CCNH: variants seen among roughly 807,000 people sequenced by gnomAD.
CCNH encodes cyclin H.
In CCNH, 31 loss-of-function variants were observed where a neutral mutation model predicts 41.9. The observed-to-expected ratio is 0.74, with a 90% CI of 0.56 to 1.00. The LOEUF is 1.00. CCNH is among the 50% of genes least tolerant of loss of function. The pLI is 0.00. For missense variants in CCNH, 362 were observed against 388.4 expected (o/e 0.93, Z 0.57); for synonymous variants, 138 against 136.1 (o/e 1.01, Z -0.10).
chr5:87,403,344 G>T (rs1763555131), intron 5 of CCNH, among the ~76,000 whole-genome samples: 1 of 151,988 alleles, frequency 6.6e-6, no homozygotes, highest in African/African-American at 2.4e-5. Context: ...GAATTATAAT[G>T]AACTAAACTT....
At position 87,367,817 on chromosome 5, in the gene CCNH, C is replaced by T. The variant is rs149559997; in HGVS notation, c.*90+24953G>A. Among the ~76,000 whole-genome samples the T allele has an allele frequency of 6.0e-4, 91 of 152,194 alleles. No individual in the cohort carries two copies. The East Asian group carries it at 0.011, about 19-fold the overall frequency. On this transcript the variant is annotated intron_variant and NMD_transcript_variant, in intron 9 of 9. Transcript: ENST00000645953. ...ATTTTAAAGATGGTTTTCTGCCTTCCAACATTTTCGTTGTCATTCAAATTG... is the reference window on the plus strand; with the variant it reads ...ATTTTAAAGATGGTTTTCTGCCTTCTAACATTTTCGTTGTCATTCAAATTG...
chr5:87,374,216 T>C (rs1761154424), downstream of CCNH: 1 of 1,589,768 alleles, frequency 6.3e-7, no homozygotes, highest in African/African-American at 1.3e-5. Context: ...CAGTAAAACA[T>C]TTTACTAATC....
At chr5:87,369,841 C>G in intron 9 of CCNH, 1 of 1,611,874 alleles carries the variant, frequency 6.2e-7, no homozygotes, top group Non-Finnish European at 8.5e-7. Context: ...AGTAGTTCAG[C>G]ACTTTAGTGA....
chr5:87,390,385 C>T (rs1440013910), downstream of CCNH, among the ~76,000 whole-genome samples: 1 of 152,128 alleles, frequency 6.6e-6, no homozygotes, highest in Non-Finnish European at 1.5e-5. Flanking sequence ...GAGTTCTCTA[C>T]AACCTGAGAT....
At chr5:87,366,532 G>GA (rs3842492) in intron 9 of CCNH, 11,970 of 201,608 alleles carry the variant, frequency 0.059, 917 homozygotes, top group African/African-American at 0.2. Context: ...CTGGTAGGGG[G>GA]AAAGCAATAA....
At chr5:87,412,139 G>T (rs567081479) in intron 1 of CCNH, among the ~76,000 whole-genome samples, 2 of 152,186 alleles carry the variant, frequency 1.3e-5, no homozygotes, top group African/African-American at 4.8e-5. Flanking sequence ...TATTTCAAAG[G>T]TTCCTCATCC....
intron 9 of CCNH, among the ~76,000 whole-genome samples, chr5:87,360,421 C>G (rs187129200): frequency 7.2e-5 from 11 of 152,274 alleles, no homozygotes; most frequent in African/African-American, 2.4e-4. Flanking sequence ...AAATGCAGTA[C>G]TTTTGAAAAC....
At chr5:87,378,542 A>C (rs1245076042), upstream of CCNH, 1 of 1,602,462 alleles carries the variant, frequency 6.2e-7, no homozygotes, top group African/African-American at 1.3e-5. Context: ...TTGTGAGGTA[A>C]GAATTTAATG....
chr5:87,409,640 G>T (rs1282023732), intron 2 of CCNH, among the ~76,000 whole-genome samples: 1 of 145,102 alleles, frequency 6.9e-6, no homozygotes, highest in Non-Finnish European at 1.5e-5. Context: ...GTGTGTGTGT[G>T]TGTGTGTGTG....
At chr5:87,399,189 T>A (rs1352487325) in intron 7 of CCNH, among the ~76,000 whole-genome samples, 2 of 152,084 alleles carry the variant, frequency 1.3e-5, no homozygotes, top group African/African-American at 4.8e-5. Context: ...CCAAAGAACA[T>A]ATGAGTCACA....
At chr5:87,363,189 A>AT (rs1760245694) in intron 9 of CCNH, among the ~76,000 whole-genome samples, 1 of 152,058 alleles carries the variant, frequency 6.6e-6, no homozygotes, top group African/African-American at 2.4e-5. Flanking sequence ...TTTTGTACAG[A>AT]TTTGTTATAG....
upstream of CCNH, chr5:87,378,269 C>G (rs918529474): frequency 6.6e-6 from 7 of 1,057,108 alleles, no homozygotes; most frequent in Non-Finnish European, 5.8e-6. Flanking sequence ...GTACTTTCAA[C>G]GCTGCACGCA....
chr5:87,352,123 C>T (rs1317748734), intron 9 of CCNH, among the ~76,000 whole-genome samples: 1 of 151,304 alleles, frequency 6.6e-6, no homozygotes, highest in African/African-American at 2.4e-5. Flanking sequence ...TTTAATAATG[C>T]TTTTATTTAT....
At chr5:87,403,641 G>A (rs555737413) in intron 5 of CCNH, among the ~76,000 whole-genome samples, 6 of 152,230 alleles carry the variant, frequency 3.9e-5, no homozygotes, top group Admixed American at 3.9e-4. Flanking sequence ...ATTAGCCAAG[G>A]TGTGGCGGTG....
intron 9 of CCNH, among the ~76,000 whole-genome samples, chr5:87,334,667 G>A (rs961865343): frequency 2.0e-5 from 3 of 152,170 alleles, no homozygotes; most frequent in Admixed American, 1.3e-4. Flanking sequence ...TGGCACAAAA[G>A]TGTACTGTAT....
intron 8 of CCNH, chr5:87,394,768 C>G (rs1434053355): frequency 7.5e-7 from 1 of 1,340,518 alleles, no homozygotes; most frequent in Non-Finnish European, 9.5e-7. Flanking sequence ...AGGGAAAAAT[C>G]CTTGGAGAAT....
chr5:87,404,897 A>C lies in CCNH; in HGVS notation c.636T>G (p.Ile212Met), dbSNP rs150007235. 48 of 1,613,592 alleles carry C rather than the reference A, an allele frequency of 3.0e-5. No homozygotes were observed. In the African/African-American group the frequency reaches 5.9e-4, roughly 20 times the overall value. ...CACTAGATAAAATGGCAGTCAGGGC[A>C]ATTTGGGAAGGTGTGTATAAAAGGT... is the stretch of plus-strand genomic sequence containing the variant. ...DAYLLYTPSQIALTAILSSAS... is the reference protein window; with the variant it reads ...DAYLLYTPSQMALTAILSSAS... The change falls in exon 5 of 9, where the codon ATT becomes ATG. Residue 212 changes from isoleucine (I) to methionine (M), a missense_variant. Transcript: ENST00000256897.
At position 87,412,832 on chromosome 5, in the gene CCNH, A is replaced by G. The variant is rs1471159479; in HGVS notation, c.-38T>C. 3 of 1,600,708 alleles carry G rather than the reference A, an allele frequency of 1.9e-6. No individual in the cohort carries two copies. The highest frequency in any genetic ancestry group is 2.7e-5 in the African/African-American group (2 of 74,716). The stretch of plus-strand genomic sequence containing the variant: ...ACCAGGTCCAGAGGGTCTGCAGACG[A>G]GAACCCAAACGCATCAGCGTCCTGG... On this transcript the variant is annotated 5_prime_UTR_variant, in exon 1 of 9. Transcript: ENST00000256897.
At chr5:87,391,928 T>G (rs1429378858), downstream of CCNH, 1 of 229,806 alleles carries the variant, frequency 4.4e-6, no homozygotes, top group Non-Finnish European at 8.7e-6. Flanking sequence ...AATTGATTAC[T>G]TCTGTCTAAA....
Sources: allele counts gnomAD v4.1 joint callset (sites outside exome capture counted in the v4.1 genomes callset), GRCh38; gene constraint gnomAD v4.1.1; transcripts MANE v1.5; gene names NCBI Gene and HGNC (gene_info 2026-07-23, HGNC 2026-07-21).